NHS: variants seen among roughly 807,000 people sequenced by gnomAD.
NHS encodes actin remodeling regulator NHS.
In NHS, 5 loss-of-function variants were observed where a neutral mutation model predicts 72.5. The observed-to-expected ratio is 0.07, with a 90% CI of 0.04 to 0.14. The LOEUF is 0.14. Among genes scored for constraint, NHS ranks in the 10% least tolerant of loss-of-function variants. NHS has a pLI of 1.00. For missense variants in NHS, 1,072 were observed against 1,355.7 expected, an observed-to-expected ratio of 0.79 and a Z score of 3.29; for synonymous variants, 464 against 547.7, an observed-to-expected ratio of 0.85 and a Z score of 2.13.
chrX:17,584,451 A>G (rs1766631311), intron 1 of NHS, among the ~76,000 whole-genome samples: 1 of 111,996 alleles, frequency 8.9e-6, no homozygotes, highest in Non-Finnish European at 1.9e-5. Context: ...TTTGTTCACC[A>G]TCAGTGTCTC....
intron 3 of NHS, 121 bp downstream of exon 3, chrX:17,692,589 G>T: frequency 3.4e-6 from 3 of 892,639 alleles, no homozygotes; most frequent in Non-Finnish European, 3.2e-6. Context: ...CAAATCATGG[G>T]CATTTGGGAA....
At chrX:17,644,877 C>T (rs774038519) in intron 1 of NHS, among the ~76,000 whole-genome samples, 9 of 110,793 alleles carry the variant, frequency 8.1e-5, no homozygotes, top group Non-Finnish European at 1.5e-4. Context: ...CAGTGTATCT[C>T]GGGAGTATGC....
At chrX:17,583,103 T>G (rs2065553189) in intron 1 of NHS, among the ~76,000 whole-genome samples, 1 of 112,213 alleles carries the variant, frequency 8.9e-6, no homozygotes. Flanking sequence ...ACCAGGCTGT[T>G]TCTACATGTC....
intron 1 of NHS, among the ~76,000 whole-genome samples, chrX:17,554,592 G>A (rs1482339685): frequency 1.8e-5 from 2 of 112,562 alleles, no homozygotes; most frequent in Admixed American, 9.4e-5. Flanking sequence ...CTCCTTCAAC[G>A]GCTGGAGGTC....
chrX:17,393,515 C>T (rs1334519146), intron 1 of NHS, among the ~76,000 whole-genome samples: 1 of 112,361 alleles, frequency 8.9e-6, no homozygotes, highest in African/African-American at 3.2e-5. Flanking sequence ...GTGTAATTGG[C>T]GTTTGACATT....
intron 1 of NHS, among the ~76,000 whole-genome samples, chrX:17,567,368 T>C (rs760625451): frequency 8.9e-6 from 1 of 112,211 alleles, no homozygotes; most frequent in East Asian, 2.8e-4. Flanking sequence ...CACATCATTC[T>C]CTGTGATGAC....
chrX:17,477,009 C>T (rs1014061020), intron 1 of NHS, among the ~76,000 whole-genome samples: 4 of 112,177 alleles, frequency 3.6e-5, no homozygotes, highest in Non-Finnish European at 7.5e-5. Context: ...TTTATTCAAC[C>T]ACTCCTATGT....
chrX:17,393,327 T>C (rs2064454904), intron 1 of NHS, among the ~76,000 whole-genome samples: 1 of 112,199 alleles, frequency 8.9e-6, no homozygotes, highest in Non-Finnish European at 1.9e-5. Flanking sequence ...TTCTGTAATG[T>C]AAAAGATTAT....
chrX:17,614,806 A>G (rs1282328250), intron 1 of NHS, among the ~76,000 whole-genome samples: 2 of 110,774 alleles, frequency 1.8e-5, no homozygotes, highest in African/African-American at 6.6e-5. Context: ...AGGTAGGTTC[A>G]TGGGCCTGTG....
chrX:17,668,166 C>T (rs954987914), intron 1 of NHS, among the ~76,000 whole-genome samples: 1 of 108,305 alleles, frequency 9.2e-6, no homozygotes. Context: ...GAGGCTAAGG[C>T]GGGAGGACTG....
chrX:17,483,257 A>C (rs1020439012), intron 1 of NHS, among the ~76,000 whole-genome samples: 10 of 112,244 alleles, frequency 8.9e-5, no homozygotes, highest in Admixed American at 1.9e-4. Flanking sequence ...AGTATTTAAA[A>C]AATTCCAATA....
At chrX:17,566,458 C>T (rs1161198561) in intron 1 of NHS, among the ~76,000 whole-genome samples, 1 of 111,986 alleles carries the variant, frequency 8.9e-6, no homozygotes, top group South Asian at 3.7e-4. Context: ...ACTTTACCTA[C>T]GTGAGAAGAG....
At chrX:17,699,304 T>C (rs981356434) in intron 3 of NHS, among the ~76,000 whole-genome samples, 1 of 111,737 alleles carries the variant, frequency 8.9e-6, no homozygotes, top group African/African-American at 3.3e-5. Flanking sequence ...CATTAAGATA[T>C]AGTTAAAGCC....
chrX:17,683,059 C>T (rs1247518097), intron 1 of NHS, among the ~76,000 whole-genome samples: 1 of 112,027 alleles, frequency 8.9e-6, no homozygotes, highest in East Asian at 2.8e-4. Context: ...CCTTCCAATA[C>T]ATTACTATGA....
intron 1 of NHS, among the ~76,000 whole-genome samples, chrX:17,475,637 T>C (rs909303500): frequency 1.8e-5 from 2 of 112,274 alleles, no homozygotes; most frequent in South Asian, 3.7e-4. Flanking sequence ...CCTGTGATCA[T>C]TGGGCAGGGA....
At chrX:17,509,046 C>T (rs2065073007) in intron 1 of NHS, among the ~76,000 whole-genome samples, 1 of 110,900 alleles carries the variant, frequency 9.0e-6, no homozygotes, top group South Asian at 3.8e-4. Flanking sequence ...TCTTAGGGAA[C>T]TAGCTTATAA....
chrX:17,448,007 G>A (rs2064790197), intron 1 of NHS, among the ~76,000 whole-genome samples: 1 of 111,599 alleles, frequency 9.0e-6, no homozygotes, highest in African/African-American at 3.3e-5. Context: ...CCATTCCCAA[G>A]TCCCCTCCTT....
At chrX:17,699,932 C>T (rs1238586582) in intron 3 of NHS, among the ~76,000 whole-genome samples, 1 of 111,203 alleles carries the variant, frequency 9.0e-6, no homozygotes, top group Non-Finnish European at 1.9e-5. Flanking sequence ...GCCCAAACAC[C>T]GTAAAGGAAA....
rs1199980382 is a variant in NHS at position 17,376,254 on chromosome X, C to T, written c.497C>T (p.Ala166Val). Residue 166 changes from alanine (A) to valine (V), a missense_variant, in exon 1 of 9, where the codon GCG becomes GTG. Transcript: ENST00000676302. ...CAGCTCACCCACCGCCGCGTCTGGG[C>T]GCTGCAGGGCAAGCTCGGCGGCGTG... ...DIQLTHRRVW[A>V]LQGKLGGVQR... 1 of 1,173,202 alleles carries T rather than the reference C, an allele frequency of 8.5e-7. No individual in the cohort carries two copies. Among genetic ancestry groups the T allele is most frequent in the Non-Finnish European group, 1.1e-6 (1 of 881,337 alleles).
Sources: gnomAD v4.1 joint callset for allele counts (sites outside exome capture counted in the v4.1 genomes callset) on GRCh38, gnomAD v4.1.1 for gene constraint, MANE v1.5 for transcripts, NCBI Gene and HGNC (gene_info 2026-07-23, HGNC 2026-07-21) for gene names.